HUS1: variants seen among roughly 807,000 people sequenced by gnomAD.
HUS1 encodes HUS1 checkpoint clamp component.
A neutral mutation model predicts 32.6 loss-of-function variants in HUS1; 31 were observed. The observed-to-expected ratio is 0.95, with a 90% confidence interval of 0.72 to 1.28. The LOEUF (loss-of-function observed/expected upper bound fraction) is 1.28, where lower values mean the gene tolerates loss of function less well. HUS1 is among the 50% of genes most tolerant of loss of function. The probability of loss-of-function intolerance (pLI) is 0.00; values close to 1 mark genes in which losing one functional copy is unlikely to be tolerated. For synonymous variants in HUS1, 123 were observed against 116.6 expected, an observed-to-expected ratio of 1.06 and a Z score of -0.36; for missense variants, 340 against 337.7, an observed-to-expected ratio of 1.01 and a Z score of -0.05.
intron 5 of HUS1, among the ~76,000 whole-genome samples, chr7:47,970,990 G>C (rs1404853809): frequency 6.6e-6 from 1 of 152,166 alleles, no homozygotes; most frequent in Non-Finnish European, 1.5e-5. Flanking sequence ...TAAACAGTGT[G>C]AGCCTTATTT....
In HUS1 at chr7:47,978,462, T is replaced by C. The variant is rs997463614; in HGVS notation, c.312A>G (p.Lys104=). The C allele has an allele frequency of 1.2e-6, 2 of 1,614,246 alleles. No individual in the cohort carries two copies. The highest frequency in any genetic ancestry group is 3.3e-5 in the Admixed American group (2 of 60,026). Residue 104 remains lysine (K), a synonymous_variant, in exon 3 of 8, where the codon AAA becomes AAG. Transcript: ENST00000258774. ...TAQNARALKI[K]LTNKHFPCLT... ...GGCAGGGAAAGTGTTTATTAGTCAGTTTGATTTTCAAAGCCCTGGCATTCT... is the reference window on the plus strand; with the variant it reads ...GGCAGGGAAAGTGTTTATTAGTCAGCTTGATTTTCAAAGCCCTGGCATTCT...
rs1283642678 is a variant in HUS1 at position 47,967,850 on chromosome 7, T to C, written c.716A>G (p.Gln239Arg). The change falls in exon 7 of 8, where the codon CAG (glutamine) becomes CGG (arginine). Residue 239 changes from glutamine to arginine, a missense_variant. Coordinates refer to ENST00000258774, the MANE Select transcript of HUS1 (RefSeq NM_004507.4). The stretch of plus-strand genomic sequence containing the variant: ...ATTTACTTGTTGTCCAGCAAGAAAC[T>C]GTAGGAGCTTCCTAATATCTATGTG... Reference protein sequence around the residue: ...EVHIDIRKLLQFLAGQQVNPT... With the variant: ...EVHIDIRKLLRFLAGQQVNPT... 6.2e-7 allele frequency: 1 copy of C among 1,614,094 alleles called. No homozygotes were observed. The highest frequency in any genetic ancestry group is 8.5e-7 in the Non-Finnish European group (1 of 1,179,958).
chr7:47,973,666 T>C (rs973044728), intron 5 of HUS1, among the ~76,000 whole-genome samples: 5 of 152,360 alleles, frequency 3.3e-5, no homozygotes, highest in Admixed American at 2.0e-4. Flanking sequence ...GACCTCATTA[T>C]GTACTTTGCT....
intron 5 of HUS1, among the ~76,000 whole-genome samples, chr7:47,974,741 G>A (rs1226898539): frequency 2.0e-5 from 3 of 152,156 alleles, no homozygotes; most frequent in Admixed American, 6.5e-5. Flanking sequence ...AGGTATGAAT[G>A]AGGATAACCT....
At chr7:47,971,375 C>T (rs1788596563) in intron 5 of HUS1, 1 of 394,082 alleles carries the variant, frequency 2.5e-6, no homozygotes, top group Admixed American at 2.9e-5. Flanking sequence ...TTCTGCCATC[C>T]CCTCATATAC....
chr7:47,979,359 C>T lies in HUS1; in HGVS notation c.52+109G>A, dbSNP rs375450268. On this transcript the variant is annotated intron_variant, in intron 1 of 7. Coordinates refer to ENST00000258774, the MANE Select transcript of HUS1 (RefSeq NM_004507.4). ...CCCCCATCCCGGCCCCATCCTCCCGCGGCCCCTTCCGGCGCCCATCCCCGT... is the reference window on the plus strand; with the variant it reads ...CCCCCATCCCGGCCCCATCCTCCCGTGGCCCCTTCCGGCGCCCATCCCCGT... 3 of 1,334,018 alleles carry T rather than the reference C, an allele frequency of 2.2e-6. No homozygotes were observed. The African/African-American group carries it at 4.3e-5, about 19-fold the overall frequency. The allele number at this position is 1,334,018 out of a possible 1,614,324, so 82.6% of individuals were successfully genotyped here.
In HUS1 at chr7:47,976,847, A is replaced by C; in HGVS notation, c.358-10T>G. 6.5e-7 allele frequency: 1 copy of C among 1,535,948 alleles called. No homozygotes were observed. Among genetic ancestry groups the C allele is most frequent in the Non-Finnish European group, 9.0e-7 (1 of 1,110,614 alleles). Reference sequence around the variant, plus strand: ...TGCTTGACATAGATAACTGCCAAGAAAAGAATTTAAAAATATTTTTATGTT... The same window carrying C: ...TGCTTGACATAGATAACTGCCAAGACAAGAATTTAAAAATATTTTTATGTT... On this transcript the variant is annotated splice_polypyrimidine_tract_variant and intron_variant, in intron 3 of 7. Coordinates refer to ENST00000258774, the MANE Select transcript of HUS1 (RefSeq NM_004507.4).
chr7:47,968,923 A>T (rs1248505319), intron 6 of HUS1: 1 of 267,928 alleles, frequency 3.7e-6, no homozygotes. Context: ...GTAGGACAGG[A>T]ATTGAATAGC....
At chr7:47,975,317 CAAAAAAAA>C (rs199919857) in intron 5 of HUS1, among the ~76,000 whole-genome samples, 1 of 61,012 alleles carries the variant, frequency 1.6e-5, no homozygotes, top group Non-Finnish European at 3.5e-5. Flanking sequence ...GACTCTGTCT[CAAAAAAAA>C]AAAAAAAAAA....
At chr7:47,979,423 C>G (rs1413557140) in intron 1 of HUS1, 45 bp downstream of exon 1, 1 of 1,611,374 alleles carries the variant, frequency 6.2e-7, no homozygotes, top group Non-Finnish European at 8.5e-7. Context: ...GCGCTCACTG[C>G]TTCCTTCCGT....
At chr7:47,979,427 C>T (rs1257343345) in intron 1 of HUS1, 41 bp downstream of exon 1, 2 of 1,612,056 alleles carry the variant, frequency 1.2e-6, no homozygotes, top group Non-Finnish European at 8.5e-7. Flanking sequence ...TCACTGCTTC[C>T]TTCCGTTCCT....
In HUS1 at chr7:47,976,842, C is replaced by A; in HGVS notation, c.358-5G>T. 1.3e-6 allele frequency: 2 copies of A among 1,566,050 alleles called. No individual in the cohort carries two copies. Among genetic ancestry groups the A allele is most frequent in the South Asian group, 1.1e-5 (1 of 89,438 alleles). On this transcript the variant is annotated splice_region_variant and splice_polypyrimidine_tract_variant and intron_variant, in intron 3 of 7. Transcript: ENST00000258774. ...GCTACTGCTTGACATAGATAACTGC[C>A]AAGAAAAGAATTTAAAAATATTTTT...
At chr7:47,972,948 C>CA (rs1327438323) in intron 5 of HUS1, among the ~76,000 whole-genome samples, 1 of 152,196 alleles carries the variant, frequency 6.6e-6, no homozygotes, top group Non-Finnish European at 1.5e-5. Flanking sequence ...TTGTAATCCC[C>CA]AAGTGCTGAG....
intron 1 of HUS1, 62 bp from the exon 2 acceptor site, chr7:47,978,878 T>A (rs1583727055): frequency 1.3e-6 from 2 of 1,519,242 alleles, no homozygotes; most frequent in East Asian, 2.3e-5. Flanking sequence ...AGAGACCAAC[T>A]TATTTTGCAG....
intron 7 of HUS1, among the ~76,000 whole-genome samples, chr7:47,966,335 A>G (rs147231706): frequency 2.6e-5 from 4 of 152,300 alleles, no homozygotes; most frequent in African/African-American, 9.6e-5. Flanking sequence ...GCTACATCAC[A>G]ATTTGCTGGT....
At chr7:47,967,164 G>A (rs888725962) in intron 7 of HUS1, among the ~76,000 whole-genome samples, 2 of 152,132 alleles carry the variant, frequency 1.3e-5, no homozygotes, top group African/African-American at 2.4e-5. Context: ...GGATGCAGTC[G>A]CTTTTAGGTT....
In HUS1 at chr7:47,978,540, C is replaced by T. The variant is rs775992924; in HGVS notation, c.234G>A (p.Glu78=). 27 of 1,614,102 alleles carry T rather than the reference C, an allele frequency of 1.7e-5. No homozygotes were observed. The highest frequency in any genetic ancestry group is 2.2e-5 in the Non-Finnish European group (26 of 1,180,040). The change falls in exon 3 of 8, where the codon GAG becomes GAA. Residue 78 remains glutamate, a synonymous_variant. Coordinates refer to ENST00000258774, the MANE Select transcript of HUS1 (RefSeq NM_004507.4). ...TTTCCGATGTTAGCTCTAAATAAAT[C>T]TCATTGTTTTCTGCAGAGACACCCT... ...QMEGVSAENN[E]IYLELTSENL... is the part of the protein sequence containing the mutation.
intron 5 of HUS1, among the ~76,000 whole-genome samples, chr7:47,972,967 T>C (rs1028816702): frequency 3.9e-5 from 6 of 152,194 alleles, no homozygotes; most frequent in African/African-American, 1.4e-4. Flanking sequence ...AGAAGGGGCC[T>C]GGTGGTAGGT....
chr7:47,971,082 G>A (rs1452822005), intron 5 of HUS1, among the ~76,000 whole-genome samples: 2 of 152,194 alleles, frequency 1.3e-5, no homozygotes, highest in African/African-American at 4.8e-5. Context: ...CTCTGATGAT[G>A]TAGACATAAT....
Sources: gnomAD v4.1 joint callset for allele counts (sites outside exome capture counted in the v4.1 genomes callset) on GRCh38, gnomAD v4.1.1 for gene constraint, MANE v1.5 for transcripts, NCBI Gene and HGNC (gene_info 2026-07-23, HGNC 2026-07-21) for gene names.